Variants in ARAP2 observed in about 807,000 individuals in gnomAD.
ARAP2 encodes the protein arf-GAP with Rho-GAP domain, ANK repeat and PH domain-containing protein 2.
Under a neutral mutation model 194.5 loss-of-function variants are expected in ARAP2, and 148 were observed. The ratio of observed to expected loss-of-function variants is 0.76; its 90% CI spans 0.67 to 0.87. The LOEUF (loss-of-function observed/expected upper bound fraction) is 0.87. ARAP2 is among the 40% of genes least tolerant of loss of function. The probability of loss-of-function intolerance (pLI) is 0.00; values close to 1 mark genes in which losing one functional copy is unlikely to be tolerated. For missense variants in ARAP2, 2,128 were observed against 1,989.7 expected (o/e 1.07, Z -1.32); for synonymous variants, 695 against 683.5 (o/e 1.02, Z -0.26).
At chr4:36,061,693 T>C (rs1002890468), downstream of ARAP2, among the ~76,000 whole-genome samples, 2 of 152,200 alleles carry the variant, frequency 1.3e-5, no homozygotes, top group Non-Finnish European at 2.9e-5. Flanking sequence ...AGTGGGATTG[T>C]TGGATCATAT....
rs561809485 is a variant in ARAP2 at position 36,242,882 on chromosome 4, T to C, written c.-160+1297A>G. Among the ~76,000 whole-genome samples, 13 of 152,276 alleles carry C rather than the reference T, an allele frequency of 8.5e-5. No homozygotes were observed. In the South Asian group the frequency reaches 2.7e-3, roughly 32 times the overall value. On this transcript the variant is annotated intron_variant, in intron 1 of 32. Coordinates refer to ENST00000303965, the MANE Select transcript of ARAP2 (RefSeq NM_015230.4). ...AAATAAATCTTTGAGTACTGACAAA[T>C]CTATATAAAACCCTCTTCGTGTTAG... is the stretch of plus-strand genomic sequence containing the variant.
intron 24 of ARAP2, among the ~76,000 whole-genome samples, chr4:36,118,976 C>T (rs1722053040): frequency 6.6e-6 from 1 of 151,300 alleles, no homozygotes; most frequent in Admixed American, 6.6e-5. Context: ...GTAAACAGAG[C>T]ACATCTGATC....
In ARAP2 at chr4:36,128,573, C is replaced by T. The variant is rs1426193036; in HGVS notation, c.3600G>A (p.Leu1200=). ...KSFLSDIDDA[L]LTKELYPYWI... ...AATATGGGTAGAGCTCCTTAGTAAG[C>T]AGTGCATCATCAATGTCAGAGAGAA... Residue 1200 remains leucine, a synonymous_variant, in exon 21 of 33, where the codon CTG becomes CTA. Transcript: ENST00000303965. 6.2e-7 allele frequency: 1 copy of T among 1,612,290 alleles called. No homozygotes were observed. Among genetic ancestry groups the T allele is most frequent in the African/African-American group, 1.3e-5 (1 of 74,672 alleles).
At chr4:36,239,161 A>T (rs1753022834) in intron 1 of ARAP2, among the ~76,000 whole-genome samples, 1 of 152,120 alleles carries the variant, frequency 6.6e-6, no homozygotes, top group Non-Finnish European at 1.5e-5. Context: ...CTGTAATCCC[A>T]GCTACTTAGG....
chr4:36,190,161 C>T (rs141908425), intron 7 of ARAP2, among the ~76,000 whole-genome samples: 1 of 152,336 alleles, frequency 6.6e-6, no homozygotes, highest in Non-Finnish European at 1.5e-5. Flanking sequence ...TTACTGCCTC[C>T]TCAACCTTCA....
chr4:36,187,631 A>G, intron 7 of ARAP2, 60 bp from the exon 8 acceptor site: 2 of 1,408,572 alleles, frequency 1.4e-6, no homozygotes, highest in Non-Finnish European at 1.9e-6. Flanking sequence ...GATCTTATCA[A>G]AAAAGAATGG....
chr4:36,240,695 A>C (rs967660506), intron 1 of ARAP2, among the ~76,000 whole-genome samples: 1 of 152,220 alleles, frequency 6.6e-6, no homozygotes, highest in Non-Finnish European at 1.5e-5. Flanking sequence ...TTCTGGATGG[A>C]GAATAATGGA....
intron 5 of ARAP2, among the ~76,000 whole-genome samples, chr4:36,029,471 C>T (rs1229959047): frequency 1.3e-5 from 2 of 151,798 alleles, no homozygotes; most frequent in South Asian, 4.1e-4. Flanking sequence ...TTCATTTGTC[C>T]ACCCCCGTGG....
chr4:36,078,652 G>A (rs1032208151), intron 31 of ARAP2, among the ~76,000 whole-genome samples: 25 of 152,228 alleles, frequency 1.6e-4, no homozygotes, highest in Non-Finnish European at 2.9e-4. Context: ...TCTTTGAGAC[G>A]AGGACTAGGA....
rs1350479879 is a variant in ARAP2 at position 36,161,489 on chromosome 4, G to A, written c.2235C>T (p.Ser745=). ...CCTCGATGAGTTCATTGCTCCAAAT[G>A]CTAGCATCCATTTTTAGACTTCTAA... ...SKVRSLKMDA[S]IWSNELIELF... is the part of the protein sequence containing the mutation. Residue 745 remains serine (S), a synonymous_variant, in exon 12 of 33, where the codon AGC becomes AGT. Transcript: ENST00000303965. The A allele has an allele frequency of 1.2e-6, 2 of 1,613,808 alleles. No individual in the cohort carries two copies. Among genetic ancestry groups the A allele is most frequent in the Non-Finnish European group, 1.7e-6 (2 of 1,179,908 alleles).
intron 19 of ARAP2, 25 bp downstream of exon 19, chr4:36,147,271 G>A (rs1269468644): frequency 3.1e-6 from 5 of 1,603,514 alleles, no homozygotes; most frequent in East Asian, 2.2e-5. Context: ...TTGAGATAAG[G>A]AATAAAAAGC....
At chr4:36,124,742 C>G in intron 22 of ARAP2, 120 bp downstream of exon 22, 1 of 558,438 alleles carries the variant, frequency 1.8e-6, no homozygotes, top group Non-Finnish European at 3.1e-6. Flanking sequence ...GACTTAATTA[C>G]AGAAAGAGAG....
At chr4:36,243,579 C>G (rs1358176920) in intron 1 of ARAP2, 1 of 151,884 alleles carries the variant, frequency 6.6e-6, no homozygotes, top group African/African-American at 2.4e-5. Context: ...TTTAAGAAAA[C>G]AAGCCAGAAT....
Position 36,228,463 on chromosome 4 carries a change from G to T in ARAP2, c.905+119C>A, listed in dbSNP as rs1189123702. On this transcript the variant is annotated intron_variant, in intron 2 of 32. Coordinates refer to ENST00000303965, the MANE Select transcript of ARAP2 (RefSeq NM_015230.4). The stretch of plus-strand genomic sequence containing the variant: ...ACTTTTTTTTTAAAAGAAAAGGTTG[G>T]TTGAATAGGTAAATGAATACAGTCA... The T allele has an allele frequency of 1.8e-5, 19 of 1,069,166 alleles. No individual in the cohort carries two copies. The East Asian group carries it at 4.6e-4, about 26-fold the overall frequency. The allele number at this position is 1,069,166 out of a possible 1,614,324, so 66.2% of individuals were successfully genotyped here. A position where few individuals can be genotyped will look rare whatever the true frequency, so the allele number is the denominator to read the frequency against.
intron 27 of ARAP2, among the ~76,000 whole-genome samples, chr4:36,100,606 A>AT (rs149866187): frequency 1.6e-4 from 25 of 151,750 alleles, no homozygotes; most frequent in Non-Finnish European, 3.1e-4. Flanking sequence ...GTATAGATGT[A>AT]TTTTTTTTAT....
At chr4:36,024,059 A>G (rs1717479768) in intron 5 of ARAP2, among the ~76,000 whole-genome samples, 1 of 152,116 alleles carries the variant, frequency 6.6e-6, no homozygotes, top group Admixed American at 6.6e-5. Flanking sequence ...GAACCTTAAA[A>G]CTTGTACTTG....
Position 36,166,986 on chromosome 4 carries a change from A to G in ARAP2, c.1919T>C (p.Val640Ala). Residue 640 changes from valine (V) to alanine (A), a missense_variant, in exon 10 of 33, where the codon GTG becomes GCG. Physicochemically the swap from Val to Ala is moderately conservative, Grantham distance 64. Transcript: ENST00000303965. ...AAAAGATTGTTTCACAGTTCGGTCCACTTGCTTTACATTTGCTACATTCAT... is the reference window on the plus strand; with the variant it reads ...AAAAGATTGTTTCACAGTTCGGTCCGCTTGCTTTACATTTGCTACATTCAT... ...IPMNVANVKQVDRTVKQSFEI... is the reference protein window; with the variant it reads ...IPMNVANVKQADRTVKQSFEI... 1 of 1,609,364 alleles carries G rather than the reference A, an allele frequency of 6.2e-7. No homozygotes were observed. The highest frequency in any genetic ancestry group is 8.5e-7 in the Non-Finnish European group (1 of 1,178,262).
At chr4:36,055,575 T>G (rs1022989305) in intron 2 of ARAP2, among the ~76,000 whole-genome samples, 1 of 152,120 alleles carries the variant, frequency 6.6e-6, no homozygotes, top group African/African-American at 2.4e-5. Context: ...TATTTATTTA[T>G]TTTTTTGAGA....
intron 24 of ARAP2, among the ~76,000 whole-genome samples, chr4:36,118,235 A>C (rs946378139): frequency 6.0e-5 from 9 of 150,952 alleles, no homozygotes; most frequent in Non-Finnish European, 1.0e-4. Flanking sequence ...TTTGCTTTTC[A>C]CTATGTTTGC....
Sources: gnomAD v4.1 joint callset for allele counts (sites outside exome capture counted in the v4.1 genomes callset) on GRCh38, gnomAD v4.1.1 for gene constraint, MANE v1.5 for transcripts, NCBI Gene and HGNC (gene_info 2026-07-23, HGNC 2026-07-21) for gene names.